Variants in CADM2 observed in about 807,000 individuals in gnomAD.
The protein encoded by CADM2 is immunoglobulin superfamily member 4D.
Under a neutral mutation model 49.8 loss-of-function variants are expected in CADM2, and 12 were observed. The ratio of observed to expected loss-of-function variants is 0.24; its 90% CI spans 0.15 to 0.39. The LOEUF (loss-of-function observed/expected upper bound fraction) is 0.39. Ranked by LOEUF, CADM2 falls within the 10% of genes least tolerant of loss-of-function variation. CADM2 has a pLI of 1.00. For missense variants in CADM2, 378 were observed against 492.3 expected, an observed-to-expected ratio of 0.77 and a Z score of 2.20; for synonymous variants, 214 against 175.4, an observed-to-expected ratio of 1.22 and a Z score of -1.74.
At chr3:84,991,981 C>T (rs2032917325) in intron 1 of CADM2, among the ~76,000 whole-genome samples, 2 of 152,112 alleles carry the variant, frequency 1.3e-5, no homozygotes, top group South Asian at 2.1e-4. Flanking sequence ...TCCCTGGTTA[C>T]TAGGTGTTAG....
intron 1 of CADM2, among the ~76,000 whole-genome samples, chr3:85,374,940 A>T (rs2033497423): frequency 6.6e-6 from 1 of 152,058 alleles, no homozygotes; most frequent in Non-Finnish European, 1.5e-5. Flanking sequence ...CTAAATACCT[A>T]TTTCTACTTC....
At chr3:85,865,795 TA>T (rs1322567299) in intron 3 of CADM2, among the ~76,000 whole-genome samples, 2 of 152,156 alleles carry the variant, frequency 1.3e-5, no homozygotes, top group Non-Finnish European at 2.9e-5. Context: ...TAAACTACAA[TA>T]GATACAATAT....
At chr3:85,666,907 A>G (rs929382701) in intron 1 of CADM2, among the ~76,000 whole-genome samples, 2 of 151,996 alleles carry the variant, frequency 1.3e-5, no homozygotes, top group African/African-American at 4.8e-5. Context: ...TAGTTTTCCA[A>G]GCTACCCTGT....
rs112520693 is a variant in CADM2, at chr3:85,373,056, A to G, written c.62-353466A>G. Among the ~76,000 whole-genome samples the G allele has an allele frequency of 1.7e-3, 266 of 152,228 alleles. 1 individual carries two copies. Among genetic ancestry groups the G allele is most frequent in the African/African-American group, 5.9e-3 (245 of 41,540 alleles). On this transcript the variant is annotated intron_variant, in intron 1 of 9. Coordinates refer to ENST00000383699, the MANE Select transcript of CADM2 (RefSeq NM_001167675.2). ...CCCAAATCCCATGTCTTCACATTTC[A>G]AAACCAATCATGGCTTCCCAAAAGT...
chr3:85,104,969 G>T (rs1354115433), intron 1 of CADM2, among the ~76,000 whole-genome samples: 1 of 152,106 alleles, frequency 6.6e-6, no homozygotes, highest in Non-Finnish European at 1.5e-5. Flanking sequence ...GGAGATTTTG[G>T]GGTGAGACGA....
At chr3:85,214,616 A>G (rs551023752) in intron 1 of CADM2, among the ~76,000 whole-genome samples, 4 of 151,712 alleles carry the variant, frequency 2.6e-5, no homozygotes, top group Non-Finnish European at 5.9e-5. Flanking sequence ...TTAGGAATCT[A>G]TTAATACCTG....
chr3:85,752,987 G>A (rs1577229482), intron 2 of CADM2, among the ~76,000 whole-genome samples: 1 of 152,134 alleles, frequency 6.6e-6, no homozygotes, highest in South Asian at 2.1e-4. Flanking sequence ...TCCTTACTCA[G>A]TAGGTACAAA....
At chr3:85,542,710 A>T (rs952401168) in intron 1 of CADM2, among the ~76,000 whole-genome samples, 5 of 152,230 alleles carry the variant, frequency 3.3e-5, no homozygotes, top group Non-Finnish European at 7.3e-5. Flanking sequence ...GAAAAACATT[A>T]TCCCTATTGC....
At chr3:85,582,237 T>G (rs2062820695) in intron 1 of CADM2, among the ~76,000 whole-genome samples, 1 of 152,052 alleles carries the variant, frequency 6.6e-6, no homozygotes, top group Non-Finnish European at 1.5e-5. Context: ...AATTTGAAGT[T>G]CTAATAATAG....
rs576278105 is a variant in CADM2, at chr3:85,174,750, C to T, written c.61+215082C>T. On this transcript the variant is annotated intron_variant, in intron 1 of 9. Coordinates refer to ENST00000383699, the MANE Select transcript of CADM2 (RefSeq NM_001167675.2). Reference sequence around the variant, plus strand: ...AAGAGTTGGAGAAATTTTTCCCGATCATTAAAACGTAATGAAAAGGAAAGG... The same window carrying T: ...AAGAGTTGGAGAAATTTTTCCCGATTATTAAAACGTAATGAAAAGGAAAGG... Among the ~76,000 whole-genome samples the T allele has an allele frequency of 4.3e-4, 65 of 152,052 alleles. No homozygotes were observed. The South Asian group carries it at 0.013, about 31-fold the overall frequency.
chr3:85,933,711 C>T (rs192464382), intron 6 of CADM2, among the ~76,000 whole-genome samples: 12 of 152,104 alleles, frequency 7.9e-5, no homozygotes, highest in African/African-American at 1.7e-4. Context: ...GGCCTGAGAA[C>T]GAAGAGAATT....
intron 1 of CADM2, among the ~76,000 whole-genome samples, chr3:84,969,347 A>G (rs958095032): frequency 2.0e-5 from 3 of 152,016 alleles, no homozygotes; most frequent in African/African-American, 7.2e-5. Flanking sequence ...TAGTTTTAGT[A>G]GACAAAAGAA....
intron 1 of CADM2, among the ~76,000 whole-genome samples, chr3:85,365,193 T>TA (rs2032667341): frequency 1.0e-5 from 1 of 95,662 alleles, no homozygotes; most frequent in Non-Finnish European, 2.5e-5. Context: ...TTTTTTTTTT[T>TA]TTTTACTTTT....
intron 7 of CADM2, among the ~76,000 whole-genome samples, chr3:85,950,598 A>C (rs1205298169): frequency 6.6e-6 from 1 of 151,188 alleles, no homozygotes; most frequent in African/African-American, 2.4e-5. Flanking sequence ...AGTCTTCTAA[A>C]GAGCACTTAC....
chr3:84,981,783 GTA>G (rs2032196791), intron 1 of CADM2, among the ~76,000 whole-genome samples: 1 of 151,852 alleles, frequency 6.6e-6, no homozygotes, highest in African/African-American at 2.4e-5. Context: ...TCTTATTTTG[GTA>G]TAGATGGGTT....
intron 1 of CADM2, among the ~76,000 whole-genome samples, chr3:85,492,247 G>T (rs749694809): frequency 6.6e-6 from 1 of 152,180 alleles, no homozygotes; most frequent in Non-Finnish European, 1.5e-5. Context: ...TTGTTAATTT[G>T]TTCCCTTTCT....
At chr3:85,297,751 A>C (rs2044001188) in intron 1 of CADM2, among the ~76,000 whole-genome samples, 1 of 151,994 alleles carries the variant, frequency 6.6e-6, no homozygotes, top group African/African-American at 2.4e-5. Context: ...GATCCGTGAC[A>C]TGTTCTTAGC....
rs550333864 is a variant in CADM2, at chr3:85,674,070, G to T, written c.62-52452G>T. ...AGTAAAATATGAACACTGGGTTAAG[G>T]TTGGAATGCAGCAGTCAACGAAACC... On this transcript the variant is annotated intron_variant, in intron 1 of 9. Transcript: ENST00000383699. 1.1e-4 allele frequency among the ~76,000 whole-genome samples: 16 copies of T among 152,132 alleles called. No individual in the cohort carries two copies. In the East Asian group the frequency reaches 1.7e-3, roughly 17 times the overall value.
chr3:85,193,084 A>G (rs2041247704), intron 1 of CADM2, among the ~76,000 whole-genome samples: 1 of 152,100 alleles, frequency 6.6e-6, no homozygotes. Context: ...TGGTATAAAT[A>G]AAGAAGAAGT....
Sources: gnomAD v4.1 joint callset for allele counts (sites outside exome capture counted in the v4.1 genomes callset) on GRCh38, gnomAD v4.1.1 for gene constraint, MANE v1.5 for transcripts, NCBI Gene and HGNC (gene_info 2026-07-23, HGNC 2026-07-21) for gene names.